Variants in SLC2A13 observed in about 807,000 individuals in gnomAD.
SLC2A13 encodes the protein proton myo-inositol cotransporter.
SLC2A13 carries 32 observed loss-of-function variants against 64.4 expected under a neutral mutation model. The observed-to-expected ratio is 0.50, with a 90% CI of 0.37 to 0.67. SLC2A13 has a LOEUF of 0.67. Among genes scored for constraint, SLC2A13 ranks in the 30% least tolerant of loss-of-function variants. SLC2A13 has a pLI of 0.00. For missense variants in SLC2A13, 743 were observed against 829.2 expected (o/e 0.90, Z 1.28); for synonymous variants, 338 against 327.1 (o/e 1.03, Z -0.36).
At chr12:39,827,149 T>TC (rs1942716307) in intron 7 of SLC2A13, among the ~76,000 whole-genome samples, 3 of 151,904 alleles carry the variant, frequency 2.0e-5, no homozygotes, top group African/African-American at 7.3e-5. Context: ...CTAACATGCC[T>TC]CTATGGATGT....
intron 1 of SLC2A13, among the ~76,000 whole-genome samples, chr12:40,081,457 C>G (rs185338796): frequency 1.1e-4 from 17 of 152,234 alleles, no homozygotes; most frequent in African/African-American, 3.6e-4. Context: ...CTCTGAGATT[C>G]TTTCCTCAGA....
At chr12:39,847,572 G>A (rs539974522) in intron 6 of SLC2A13, among the ~76,000 whole-genome samples, 1 of 152,134 alleles carries the variant, frequency 6.6e-6, no homozygotes, top group South Asian at 2.1e-4. Context: ...AGCCACCCTG[G>A]CCCATGTGGT....
chr12:39,986,655 A>G (rs1469556619), intron 3 of SLC2A13, among the ~76,000 whole-genome samples: 1 of 151,912 alleles, frequency 6.6e-6, no homozygotes, highest in African/African-American at 2.4e-5. Context: ...CCTGTATTTA[A>G]GCAGACCAAA....
intron 5 of SLC2A13, among the ~76,000 whole-genome samples, chr12:39,866,534 A>G (rs1192390416): frequency 6.6e-6 from 1 of 152,000 alleles, no homozygotes; most frequent in African/African-American, 2.4e-5. Flanking sequence ...GTTGGAGTGC[A>G]GTGGCGCGAT....
At chr12:39,851,432 A>G (rs1943466016) in intron 6 of SLC2A13, among the ~76,000 whole-genome samples, 1 of 152,196 alleles carries the variant, frequency 6.6e-6, no homozygotes, top group South Asian at 2.1e-4. Context: ...ATAACTTTAT[A>G]TATTGATAAT....
chr12:39,998,515 A>AT (rs1947271084), intron 3 of SLC2A13, among the ~76,000 whole-genome samples: 1 of 152,136 alleles, frequency 6.6e-6, no homozygotes. Context: ...ATCATTTTGG[A>AT]GCTTTAAATA....
chr12:39,773,239 G>A (rs1043065592), intron 7 of SLC2A13, among the ~76,000 whole-genome samples: 1 of 152,138 alleles, frequency 6.6e-6, no homozygotes, highest in African/African-American at 2.4e-5. Flanking sequence ...TGCTCAGAGG[G>A]CACTGCAGTG....
intron 2 of SLC2A13, among the ~76,000 whole-genome samples, chr12:40,043,885 C>T (rs1055572854): frequency 1.6e-4 from 24 of 152,124 alleles, no homozygotes; most frequent in Admixed American, 1.4e-3. Flanking sequence ...AACCCTCATA[C>T]GTTGCTTGTG....
intron 3 of SLC2A13, among the ~76,000 whole-genome samples, chr12:39,978,801 C>G (rs572536225): frequency 0.018 from 2,710 of 152,176 alleles, 82 homozygotes; most frequent in African/African-American, 0.061. Context: ...CCTGGAAGCT[C>G]GAACTGGGTG....
chr12:40,047,278 A>G (rs1489232766), intron 2 of SLC2A13, among the ~76,000 whole-genome samples: 5 of 152,154 alleles, frequency 3.3e-5, no homozygotes, highest in Non-Finnish European at 5.9e-5. Context: ...TTGAGTTTAT[A>G]TTGTTGAATA....
At chr12:40,004,375 G>A (rs1448639349) in intron 3 of SLC2A13, among the ~76,000 whole-genome samples, 1 of 152,008 alleles carries the variant, frequency 6.6e-6, no homozygotes, top group African/African-American at 2.4e-5. Context: ...GTAGAGACAG[G>A]ATTTCACCAT....
In SLC2A13 at chr12:40,044,021, T is replaced by G. The variant is rs17518064; in HGVS notation, c.716+4030A>C. On this transcript the variant is annotated intron_variant, in intron 2 of 9. Transcript: ENST00000280871. ...TATCCAAGAGAAGTAAACGCTTATG[T>G]CTATCCTAAAATTTGTACACAAATG... Among the ~76,000 whole-genome samples the G allele has an allele frequency of 5.6e-3, 848 of 152,318 alleles. 7 individuals carry two copies. Among genetic ancestry groups the G allele is most frequent in the African/African-American group, 0.02 (818 of 41,568 alleles).
intron 7 of SLC2A13, among the ~76,000 whole-genome samples, chr12:39,807,072 G>A (rs970733118): frequency 6.7e-5 from 10 of 150,226 alleles, no homozygotes; most frequent in Non-Finnish European, 1.3e-4. Flanking sequence ...TATAGTTTTT[G>A]CCACTGAAAG....
intron 5 of SLC2A13, among the ~76,000 whole-genome samples, chr12:39,868,668 C>T (rs1480944648): frequency 6.6e-6 from 1 of 152,146 alleles, no homozygotes; most frequent in East Asian, 1.9e-4. Context: ...CACAATCTTT[C>T]TGGCTTTCTG....
intron 4 of SLC2A13, among the ~76,000 whole-genome samples, chr12:39,948,718 A>G (rs1419520003): frequency 6.6e-6 from 1 of 152,174 alleles, no homozygotes; most frequent in Non-Finnish European, 1.5e-5. Flanking sequence ...TTGAATTAAA[A>G]TAAAGAAAAG....
intron 3 of SLC2A13, among the ~76,000 whole-genome samples, chr12:40,015,243 A>G (rs916532536): frequency 6.6e-6 from 1 of 152,000 alleles, no homozygotes; most frequent in Non-Finnish European, 1.5e-5. Context: ...AAGGAGACCT[A>G]TGCAATTTAT....
intron 1 of SLC2A13, among the ~76,000 whole-genome samples, chr12:40,067,176 A>G (rs1044314807): frequency 6.6e-6 from 1 of 152,266 alleles, no homozygotes; most frequent in African/African-American, 2.4e-5. Flanking sequence ...TGAGGAAAGC[A>G]TAAGTGCTAG....
chr12:39,984,459 T>C (rs576842720), intron 3 of SLC2A13, among the ~76,000 whole-genome samples: 1 of 152,306 alleles, frequency 6.6e-6, no homozygotes, highest in South Asian at 2.1e-4. Flanking sequence ...CATTTAACTT[T>C]TGTTTTTACC....
intron 7 of SLC2A13, among the ~76,000 whole-genome samples, chr12:39,771,956 T>TA (rs1452527372): frequency 2.0e-5 from 3 of 152,184 alleles, no homozygotes; most frequent in African/African-American, 7.2e-5. Flanking sequence ...GGCAAACTCT[T>TA]ACTCTTGATA....
Sources: allele counts gnomAD v4.1 joint callset (sites outside exome capture counted in the v4.1 genomes callset), GRCh38; gene constraint gnomAD v4.1.1; transcripts MANE v1.5; gene names NCBI Gene and HGNC (gene_info 2026-07-23, HGNC 2026-07-21).